KDM4C: variants seen among roughly 807,000 people sequenced by gnomAD.
KDM4C encodes the protein lysine-specific demethylase 4C.
KDM4C carries 81 observed loss-of-function variants against 129.3 expected under a neutral mutation model. That is an observed-to-expected ratio of 0.63 (90% CI 0.52 to 0.75). KDM4C has a LOEUF of 0.75. Ranked by LOEUF, KDM4C falls within the 30% of genes least tolerant of loss-of-function variation. The pLI is 0.00. For synonymous variants in KDM4C, 573 were observed against 456.1 expected (o/e 1.26, Z -3.26); for missense variants, 1,457 against 1,304.0 (o/e 1.12, Z -1.81).
chr9:6,799,515 G>A (rs2130948293), intron 2 of KDM4C, among the ~76,000 whole-genome samples: 1 of 151,126 alleles, frequency 6.6e-6, no homozygotes, highest in African/African-American at 2.5e-5. Context: ...GATGGCAGCA[G>A]CACAGTCCAA....
At chr9:6,989,254 A>G (rs1020527760) in intron 11 of KDM4C, among the ~76,000 whole-genome samples, 2 of 152,228 alleles carry the variant, frequency 1.3e-5, no homozygotes, top group African/African-American at 2.4e-5. Context: ...CAGAGGCCAG[A>G]GTAGTTTCCC....
intron 8 of KDM4C, among the ~76,000 whole-genome samples, chr9:6,897,517 A>C (rs900870705): frequency 4.6e-5 from 7 of 152,186 alleles, no homozygotes; most frequent in African/African-American, 7.2e-5. Context: ...GCAGTTGTGT[A>C]ATTTTCCCCC....
chr9:7,044,923 C>T (rs1485822546), intron 15 of KDM4C, among the ~76,000 whole-genome samples: 1 of 151,892 alleles, frequency 6.6e-6, no homozygotes, highest in Non-Finnish European at 1.5e-5. Context: ...GTCTAAGGGT[C>T]ATGGAAACCA....
rs985896968 is a variant in KDM4C at position 7,043,312 on chromosome 9, T to C, written c.2260-3550T>C. Among the ~76,000 whole-genome samples, 6 of 151,984 alleles carry C rather than the reference T, an allele frequency of 3.9e-5. No homozygotes were observed. The East Asian group carries it at 9.7e-4, about 24-fold the overall frequency. Reference sequence around the variant, plus strand: ...CCTACCTTCTCCTTAAATTCTTTCATTGAAAGATTTGGAGGAAAATGATAC... The same window carrying C: ...CCTACCTTCTCCTTAAATTCTTTCACTGAAAGATTTGGAGGAAAATGATAC... On this transcript the variant is annotated intron_variant, in intron 15 of 21. Coordinates refer to ENST00000381309, the MANE Select transcript of KDM4C (RefSeq NM_015061.6).
chr9:6,798,688 C>G (rs1007294506), intron 2 of KDM4C, among the ~76,000 whole-genome samples: 34 of 151,906 alleles, frequency 2.2e-4, no homozygotes, highest in Admixed American at 2.0e-3. Context: ...TTTTCCCCAC[C>G]TTTCCCCCTT....
chr9:7,037,888 C>T (rs995134), intron 15 of KDM4C, among the ~76,000 whole-genome samples: 1 of 151,908 alleles, frequency 6.6e-6, no homozygotes. Flanking sequence ...GCAGTATAGC[C>T]AGATCTTTGT....
At chr9:6,860,264 G>A (rs907201786) in intron 5 of KDM4C, among the ~76,000 whole-genome samples, 1 of 152,094 alleles carries the variant, frequency 6.6e-6, no homozygotes, top group African/African-American at 2.4e-5. Flanking sequence ...GCCACCTAAG[G>A]TTCTTTCTTT....
rs374108085 is a variant in KDM4C at position 7,015,869 on chromosome 9, T to C, written c.2199T>C (p.Pro733=). 2.7e-5 allele frequency: 44 copies of C among 1,611,774 alleles called. No individual in the cohort carries two copies. Among genetic ancestry groups the C allele is most frequent in the Non-Finnish European group, 3.6e-5 (43 of 1,178,132 alleles). ...VRVHASCYGI[P]SHEICDGWLC... ...ATTTTATAGGTTGTTATGGTATTCC[T>C]TCTCATGAGATCTGTGATGGATGGC... Residue 733 remains proline (P), a synonymous_variant, in exon 15 of 22, where the codon CCT becomes CCC. Coordinates refer to ENST00000381309, the MANE Select transcript of KDM4C (RefSeq NM_015061.6).
chr9:7,144,560 G>A lies in KDM4C; in HGVS notation c.2781+16324G>A, dbSNP rs545249295. 7.9e-5 allele frequency among the ~76,000 whole-genome samples: 12 copies of A among 152,298 alleles called. No individual in the cohort carries two copies. In the South Asian group the frequency reaches 1.2e-3, roughly 16 times the overall value. On this transcript the variant is annotated intron_variant, in intron 19 of 21. Coordinates refer to ENST00000381309, the MANE Select transcript of KDM4C (RefSeq NM_015061.6). ...ATCTCTCAGGTCTCTTCCCATTCTCGTAGGGGAGAACAGCCATAGGTGATC... is the reference window on the plus strand; with the variant it reads ...ATCTCTCAGGTCTCTTCCCATTCTCATAGGGGAGAACAGCCATAGGTGATC...
chr9:6,763,882 T>C (rs546356432), intron 1 of KDM4C, among the ~76,000 whole-genome samples: 1 of 152,282 alleles, frequency 6.6e-6, no homozygotes, highest in Non-Finnish European at 1.5e-5. Flanking sequence ...CTCAGCTTCC[T>C]GAGTAGCTGG....
intron 5 of KDM4C, among the ~76,000 whole-genome samples, chr9:6,863,659 G>A (rs970931203): frequency 6.6e-6 from 1 of 152,028 alleles, no homozygotes; most frequent in Admixed American, 6.6e-5. Context: ...AGCCAGGCGT[G>A]GTGGCGGGCG....
chr9:7,169,795 T>A lies in KDM4C; in HGVS notation c.2902-3T>A, dbSNP rs1844773662. On this transcript the variant is annotated splice_polypyrimidine_tract_variant and splice_region_variant and intron_variant, in intron 20 of 21. Coordinates refer to ENST00000381309, the MANE Select transcript of KDM4C (RefSeq NM_015061.6). Reference sequence around the variant, plus strand: ...TGTATCATGTTATATTATCTTTCATTAGGTTGAGTTTGAAGATGGATCCCA... The same window carrying A: ...TGTATCATGTTATATTATCTTTCATAAGGTTGAGTTTGAAGATGGATCCCA... 6.3e-7 allele frequency: 1 copy of A among 1,597,098 alleles called. No individual in the cohort carries two copies. Among genetic ancestry groups the A allele is most frequent in the Non-Finnish European group, 8.6e-7 (1 of 1,166,656 alleles).
intron 19 of KDM4C, among the ~76,000 whole-genome samples, chr9:7,142,467 C>G (rs1339160494): frequency 1.3e-5 from 2 of 152,166 alleles, no homozygotes; most frequent in African/African-American, 4.8e-5. Context: ...GCTCCCTCAT[C>G]ATGAACCAGT....
At chr9:6,726,639 C>T (rs1054179456) in intron 1 of KDM4C, 8 of 152,358 alleles carry the variant, frequency 5.3e-5, no homozygotes, top group East Asian at 1.9e-4. Context: ...TCAATACCTC[C>T]TCCTCCTCCA....
intron 8 of KDM4C, among the ~76,000 whole-genome samples, chr9:6,979,399 G>T (rs902213088): frequency 8.5e-5 from 13 of 152,188 alleles, no homozygotes; most frequent in African/African-American, 3.1e-4. Context: ...ATGCAGGAAG[G>T]TGGTGTGGTA....
At chr9:7,137,673 A>G (rs555389800) in intron 19 of KDM4C, among the ~76,000 whole-genome samples, 1 of 152,346 alleles carries the variant, frequency 6.6e-6, no homozygotes, top group Non-Finnish European at 1.5e-5. Context: ...TCTGCATACA[A>G]TTTCTGAAAT....
intron 17 of KDM4C, among the ~76,000 whole-genome samples, chr9:7,072,970 G>A (rs1357738345): frequency 6.6e-6 from 1 of 152,174 alleles, no homozygotes; most frequent in Non-Finnish European, 1.5e-5. Flanking sequence ...CAGTGATGTA[G>A]GGAGAAGGAC....
intron 12 of KDM4C, among the ~76,000 whole-genome samples, chr9:7,005,474 A>G (rs975777885): frequency 5.3e-5 from 8 of 150,110 alleles, no homozygotes; most frequent in African/African-American, 2.0e-4. Flanking sequence ...TAAAGAAGTG[A>G]GTTAGATAAA....
intron 18 of KDM4C, among the ~76,000 whole-genome samples, chr9:7,125,477 C>G (rs1839937797): frequency 2.0e-5 from 3 of 152,204 alleles, no homozygotes; most frequent in Admixed American, 6.5e-5. Flanking sequence ...AGATGTGGTG[C>G]CCACTGGCTA....
Sources: gnomAD v4.1 joint callset for allele counts (sites outside exome capture counted in the v4.1 genomes callset) on GRCh38, gnomAD v4.1.1 for gene constraint, MANE v1.5 for transcripts, NCBI Gene and HGNC (gene_info 2026-07-23, HGNC 2026-07-21) for gene names.